Variants in PDE8B observed in about 807,000 individuals in gnomAD.
PDE8B encodes high affinity cAMP-specific and IBMX-insensitive 3',5'-cyclic phosphodiesterase 8B.
In PDE8B, 26 loss-of-function variants were observed where a neutral mutation model predicts 101.3. That is an observed-to-expected ratio of 0.26 (90% confidence interval 0.19 to 0.36). The LOEUF is 0.36. Among genes scored for constraint, PDE8B ranks in the 10% least tolerant of loss-of-function variants. The pLI, the probability that PDE8B is intolerant of heterozygous loss-of-function variation, is 1.00. For synonymous variants in PDE8B, 424 were observed against 429.3 expected (o/e 0.99, Z 0.15); for missense variants, 810 against 1,163.1 (o/e 0.70, Z 4.42).
chr5:77,221,363 T>C (rs1157097029), intron 1 of PDE8B, among the ~76,000 whole-genome samples: 1 of 152,214 alleles, frequency 6.6e-6, no homozygotes, highest in African/African-American at 2.4e-5. Flanking sequence ...AGTTTACTTA[T>C]TGCATTCCCA....
the PDE8B span, among the ~76,000 whole-genome samples, chr5:77,126,325 T>A: frequency 6.6e-6 from 1 of 152,074 alleles, no homozygotes; most frequent in Non-Finnish European, 1.5e-5. Context: ...CAAGAATAAA[T>A]TGTGCCTTAT....
intron 1 of PDE8B, among the ~76,000 whole-genome samples, chr5:77,259,352 C>T (rs1759995402): frequency 6.6e-6 from 1 of 152,104 alleles, no homozygotes; most frequent in Non-Finnish European, 1.5e-5. Context: ...GGAATGTAAG[C>T]TTCTCTCGCT....
the PDE8B span, among the ~76,000 whole-genome samples, chr5:77,120,534 T>C: frequency 2.6e-5 from 4 of 152,176 alleles, no homozygotes; most frequent in Non-Finnish European, 4.4e-5. Context: ...AAAAATAAAA[T>C]AGATTAGTAG....
chr5:77,281,213 A>G (rs1764915759), intron 1 of PDE8B, among the ~76,000 whole-genome samples: 1 of 152,106 alleles, frequency 6.6e-6, no homozygotes, highest in African/African-American at 2.4e-5. Context: ...TCCTGAACCT[A>G]ACTGGTTTAG....
the PDE8B span, among the ~76,000 whole-genome samples, chr5:77,161,207 TC>T: frequency 6.6e-6 from 1 of 152,168 alleles, no homozygotes; most frequent in Non-Finnish European, 1.5e-5. Flanking sequence ...CTCCAAAAGT[TC>T]TCTTGTGCCA....
chr5:77,313,157 A>G (rs961985758), intron 2 of PDE8B, among the ~76,000 whole-genome samples: 3 of 152,244 alleles, frequency 2.0e-5, no homozygotes, highest in Admixed American at 6.5e-5. Flanking sequence ...AGATGCAGAA[A>G]AGATGTAAAC....
intron 1 of PDE8B, among the ~76,000 whole-genome samples, chr5:77,278,583 T>C (rs1028914874): frequency 3.3e-5 from 5 of 152,044 alleles, no homozygotes; most frequent in African/African-American, 4.8e-5. Flanking sequence ...CATTCTCCTG[T>C]CTCAGCCTCC....
chr5:77,088,938 G>A, the PDE8B span: 1 of 152,182 alleles, frequency 6.6e-6, no homozygotes, highest in Non-Finnish European at 1.5e-5. Context: ...TCAACAATAA[G>A]TGAGCTGAAT....
At chr5:77,393,265 A>C (rs1355038783) in intron 10 of PDE8B, among the ~76,000 whole-genome samples, 1 of 152,052 alleles carries the variant, frequency 6.6e-6, no homozygotes, top group East Asian at 1.9e-4. Context: ...GTGGTGGCAC[A>C]TGCCTGTAAT....
At chr5:77,088,344 T>G in the PDE8B span, 1 of 152,216 alleles carries the variant, frequency 6.6e-6, no homozygotes, top group Non-Finnish European at 1.5e-5. Context: ...AGCTGACGGC[T>G]TAAGTGTTAA....
intron 1 of PDE8B, among the ~76,000 whole-genome samples, chr5:77,245,781 C>CAGA: frequency 6.8e-6 from 1 of 147,416 alleles, no homozygotes; most frequent in South Asian, 2.2e-4. Flanking sequence ...TCATTCTGAT[C>CAGA]AGAATCTGTG....
At chr5:77,287,711 C>T (rs1362581733) in intron 1 of PDE8B, among the ~76,000 whole-genome samples, 2 of 152,088 alleles carry the variant, frequency 1.3e-5, no homozygotes, top group Non-Finnish European at 2.9e-5. Flanking sequence ...TATTCCAGTT[C>T]CCCAGTTCTC....
intron 10 of PDE8B, among the ~76,000 whole-genome samples, chr5:77,357,476 G>A (rs11742966): frequency 0.19 from 29,504 of 152,128 alleles, 3,376 homozygotes; most frequent in Middle Eastern, 0.32. Context: ...CAGCTAGTAA[G>A]ATTTTTTTTC....
At chr5:77,308,824 GCC>G (rs1561504593) in intron 1 of PDE8B, among the ~76,000 whole-genome samples, 3 of 152,012 alleles carry the variant, frequency 2.0e-5, no homozygotes, top group African/African-American at 7.2e-5. Flanking sequence ...GCCCTTCCCC[GCC>G]AGCCCACCAT....
rs575479364 is a variant in PDE8B, at chr5:77,338,769, G to T, written c.797+1454G>T. ...CAATAAATAGAATTAGAAAGAGGGGGATTTTACTGTGGTTTAATTCTTCAA... is the reference window on the plus strand; with the variant it reads ...CAATAAATAGAATTAGAAAGAGGGGTATTTTACTGTGGTTTAATTCTTCAA... On this transcript the variant is annotated intron_variant, in intron 6 of 21. Transcript: ENST00000264917. Among the ~76,000 whole-genome samples the T allele has an allele frequency of 3.9e-5, 6 of 152,270 alleles. No homozygotes were observed. In the South Asian group the frequency reaches 1.2e-3, roughly 32 times the overall value.
At chr5:77,285,513 GT>G (rs1336072937) in intron 1 of PDE8B, among the ~76,000 whole-genome samples, 32 of 152,234 alleles carry the variant, frequency 2.1e-4, no homozygotes, top group Non-Finnish European at 4.0e-4. Context: ...GTATTGTGTA[GT>G]TTTTCTCGGG....
chr5:77,331,389 T>G lies in PDE8B; in HGVS notation c.651-13T>G. 1 of 1,613,176 alleles carries G rather than the reference T, an allele frequency of 6.2e-7. No individual in the cohort carries two copies. The highest frequency in any genetic ancestry group is 8.5e-7 in the Non-Finnish European group (1 of 1,179,146). On this transcript the variant is annotated splice_polypyrimidine_tract_variant and intron_variant, in intron 4 of 21. Transcript: ENST00000264917. ...GTATCTGCTGAGTGACCACATTTTC[T>G]GCTTTGCTGCAGATCGGATGACCAT...
chr5:77,299,479 GTTC>G (rs2150023311), intron 1 of PDE8B, among the ~76,000 whole-genome samples: 1 of 135,804 alleles, frequency 7.4e-6, no homozygotes, highest in Non-Finnish European at 1.5e-5. Flanking sequence ...GTGTCCATGT[GTTC>G]TTGTTGTTCA....
chr5:77,397,901 G>C (rs1284166963), intron 10 of PDE8B, among the ~76,000 whole-genome samples: 1 of 152,004 alleles, frequency 6.6e-6, no homozygotes, highest in Non-Finnish European at 1.5e-5. Context: ...AGTAATCTCT[G>C]TACCCCACCC....
Sources: gnomAD v4.1 joint callset for allele counts (sites outside exome capture counted in the v4.1 genomes callset) on GRCh38, gnomAD v4.1.1 for gene constraint, MANE v1.5 for transcripts, NCBI Gene and HGNC (gene_info 2026-07-23, HGNC 2026-07-21) for gene names.